Variants in MEF2C observed in about 807,000 individuals in gnomAD.
The protein encoded by MEF2C is myocyte-specific enhancer factor 2C.
A neutral mutation model predicts 50.5 loss-of-function variants in MEF2C; 6 were observed. That is an observed-to-expected ratio of 0.12 (90% CI 0.07 to 0.23). The LOEUF (loss-of-function observed/expected upper bound fraction) is 0.23. MEF2C is among the 10% of genes least tolerant of loss of function. MEF2C has a pLI of 1.00. For missense variants in MEF2C, 276 were observed against 605.0 expected (o/e 0.46, Z 5.70); for synonymous variants, 183 against 228.0 (o/e 0.80, Z 1.78).
At chr5:88,733,130 G>A (rs147140793) in intron 6 of MEF2C, 54 of 985,292 alleles carry the variant, frequency 5.5e-5, no homozygotes, top group East Asian at 2.3e-4. Context: ...TTGAGTTCCC[G>A]GGAGAGAAGA....
chr5:88,753,524 C>T (rs653444), intron 4 of MEF2C, among the ~76,000 whole-genome samples: 110,467 of 152,140 alleles, frequency 0.73, 40,828 homozygotes, highest in East Asian at 0.92. Flanking sequence ...GCCTCCCAAG[C>T]AGTGGTTGGC....
chr5:88,719,874 T>C lies in MEF2C; in HGVS notation c.*2730A>G, dbSNP rs886060858. On this transcript the variant is annotated 3_prime_UTR_variant, in exon 11 of 11. Transcript: ENST00000504921. ...TTTTCAAGTGATTCTGTTCTCTTCA[T>C]GTTCTTATAAAACTATTGTCAGAAC... is the stretch of plus-strand genomic sequence containing the variant. 12 of 152,352 alleles carry C rather than the reference T, an allele frequency of 7.9e-5. No homozygotes were observed. In the East Asian group the frequency reaches 1.7e-3, roughly 22 times the overall value. The allele number at this position is 152,352 out of a possible 1,614,324, so 9.4% of individuals were successfully genotyped here.
At chr5:88,772,845 T>A (rs1300658673) in intron 3 of MEF2C, 35 of 985,338 alleles carry the variant, frequency 3.6e-5, no homozygotes, top group Non-Finnish European at 4.2e-5. Flanking sequence ...GGGTCTCTTA[T>A]AGTCTATCTC....
intron 2 of MEF2C, among the ~76,000 whole-genome samples, chr5:88,810,519 T>G (rs915982174): frequency 8.4e-6 from 1 of 118,514 alleles, no homozygotes; most frequent in Non-Finnish European, 1.7e-5. Context: ...GGGTTCAGGA[T>G]GACTGAGTTT....
intron 1 of MEF2C, among the ~76,000 whole-genome samples, chr5:88,869,300 T>TATATATATATATACAC (rs1398265584): frequency 1.4e-4 from 14 of 100,316 alleles, no homozygotes; most frequent in African/African-American, 2.9e-4. Flanking sequence ...TATATACACA[T>TATATATATATATACAC]ATATATATAT....
At chr5:88,747,847 T>G (rs1770660239) in intron 6 of MEF2C, among the ~76,000 whole-genome samples, 1 of 152,178 alleles carries the variant, frequency 6.6e-6, no homozygotes, top group South Asian at 2.1e-4. Flanking sequence ...GAGACTTGGA[T>G]CCAAGAAACA....
At chr5:88,775,722 T>G in intron 3 of MEF2C, 2 of 695,660 alleles carry the variant, frequency 2.9e-6, no homozygotes, top group Non-Finnish European at 3.5e-6. Flanking sequence ...CATGACTGCA[T>G]ATATTATGCA....
intron 6 of MEF2C, chr5:88,741,667 C>T: frequency 1.0e-6 from 1 of 974,448 alleles, no homozygotes; most frequent in Non-Finnish European, 1.2e-6. Context: ...TTATAATGTT[C>T]TATATTAGTA....
chr5:88,898,186 T>C (rs1259817325), intron 1 of MEF2C, among the ~76,000 whole-genome samples: 1 of 152,166 alleles, frequency 6.6e-6, no homozygotes, highest in Non-Finnish European at 1.5e-5. Context: ...GATAGTAAGA[T>C]GAATCTTGAT....
At chr5:88,809,652 GT>G (rs879875903) in intron 2 of MEF2C, among the ~76,000 whole-genome samples, 3 of 150,906 alleles carry the variant, frequency 2.0e-5, no homozygotes, top group South Asian at 2.1e-4. Context: ...GGTGAATTCA[GT>G]TTTTTTTTCA....
intron 4 of MEF2C, among the ~76,000 whole-genome samples, chr5:88,756,557 G>T (rs1198653667): frequency 6.6e-6 from 1 of 152,154 alleles, no homozygotes. Flanking sequence ...TACAGTCCAG[G>T]TTATGTAATA....
intron 1 of MEF2C, among the ~76,000 whole-genome samples, chr5:88,840,918 C>T (rs1286883839): frequency 6.6e-6 from 1 of 152,128 alleles, no homozygotes; most frequent in African/African-American, 2.4e-5. Context: ...TTCCTTCACA[C>T]TTTATTAACA....
At chr5:88,782,055 G>A (rs1788368747) in intron 3 of MEF2C, 4 of 794,508 alleles carry the variant, frequency 5.0e-6, no homozygotes, top group Non-Finnish European at 6.1e-6. Context: ...GAAGAGCCCA[G>A]GCAACCTAGC....
intron 5 of MEF2C, chr5:88,751,192 A>C: frequency 1.0e-6 from 1 of 977,948 alleles, no homozygotes; most frequent in Non-Finnish European, 1.2e-6. Flanking sequence ...AGTACTAAGA[A>C]TGGATGAACT....
intron 2 of MEF2C, among the ~76,000 whole-genome samples, chr5:88,819,187 C>T (rs1257788470): frequency 6.6e-6 from 1 of 151,858 alleles, no homozygotes; most frequent in Non-Finnish European, 1.5e-5. Flanking sequence ...TTTGATTATA[C>T]TGGATGCAGT....
chr5:88,896,954 C>G (rs1366170279), intron 1 of MEF2C, among the ~76,000 whole-genome samples: 1 of 151,970 alleles, frequency 6.6e-6, no homozygotes, highest in Non-Finnish European at 1.5e-5. Flanking sequence ...TACACACACA[C>G]ACACACACAC....
chr5:88,774,383 G>A (rs1783830114), intron 3 of MEF2C, among the ~76,000 whole-genome samples: 1 of 151,098 alleles, frequency 6.6e-6, no homozygotes, highest in African/African-American at 2.4e-5. Context: ...AGTGCAGTGG[G>A]GCGATCTCGG....
intron 1 of MEF2C, among the ~76,000 whole-genome samples, chr5:88,856,300 C>A (rs700585): frequency 6.6e-6 from 1 of 152,100 alleles, no homozygotes; most frequent in Non-Finnish European, 1.5e-5. Flanking sequence ...AATCATTGAG[C>A]TTTATGCATT....
chr5:88,749,324 A>C, intron 5 of MEF2C: 10 of 980,726 alleles, frequency 1.0e-5, no homozygotes, highest in Non-Finnish European at 1.2e-5. Flanking sequence ...CATTTTGCAG[A>C]ATCTTTTTTC....
Sources: allele counts gnomAD v4.1 joint callset (sites outside exome capture counted in the v4.1 genomes callset), GRCh38; gene constraint gnomAD v4.1.1; transcripts MANE v1.5; gene names NCBI Gene and HGNC (gene_info 2026-07-23, HGNC 2026-07-21).